Variants in C3orf52 observed in about 807,000 individuals in gnomAD.
The protein encoded by C3orf52 is TPA-induced transmembrane protein.
In C3orf52, 22 loss-of-function variants were observed where a neutral mutation model predicts 24.8. That is an observed-to-expected ratio of 0.89 (90% CI 0.63 to 1.27). C3orf52 has a LOEUF of 1.27. C3orf52 is among the 50% of genes most tolerant of loss of function. The probability of loss-of-function intolerance (pLI) is 0.00; values close to 1 mark genes in which losing one functional copy is unlikely to be tolerated. For missense variants in C3orf52, 265 were observed against 260.7 expected, an observed-to-expected ratio of 1.02 and a Z score of -0.11; for synonymous variants, 93 against 100.2, an observed-to-expected ratio of 0.93 and a Z score of 0.43.
At chr3:112,120,088 G>C (rs924284262), downstream of C3orf52, among the ~76,000 whole-genome samples, 1 of 152,224 alleles carries the variant, frequency 6.6e-6, no homozygotes, top group Non-Finnish European at 1.5e-5. Flanking sequence ...TTTCTATGAT[G>C]ATGATGACCT....
At chr3:112,123,382 C>T (rs867101861) in intron 4 of C3orf52, 7 of 1,560,898 alleles carry the variant, frequency 4.5e-6, no homozygotes, top group Non-Finnish European at 5.2e-6. Flanking sequence ...TGTGTCCCAT[C>T]CCTGCTTCAG....
intron 1 of C3orf52, among the ~76,000 whole-genome samples, chr3:112,089,481 A>G (rs1285166267): frequency 6.6e-6 from 1 of 150,458 alleles, no homozygotes; most frequent in African/African-American, 2.5e-5. Flanking sequence ...GTGAGCCCAG[A>G]TCACGCCACT....
chr3:112,125,175 T>C (rs529062697), intron 4 of C3orf52: 2 of 1,188,942 alleles, frequency 1.7e-6, no homozygotes, highest in Non-Finnish European at 2.5e-6. Context: ...ATTTAGGGTG[T>C]CTGTACTTCT....
intron 1 of C3orf52, 58 bp downstream of exon 1, chr3:112,086,603 G>C: frequency 5.3e-6 from 8 of 1,511,222 alleles, no homozygotes; most frequent in Non-Finnish European, 7.1e-6. Context: ...AGTAGGACCC[G>C]GGCCTGGCAC....
In C3orf52 at chr3:112,123,718, G is replaced by A. The variant is rs370535814; in HGVS notation, c.*46+4156G>A. 3.7e-5 allele frequency: 60 copies of A among 1,613,802 alleles called. 1 individual carries two copies. The highest frequency in any genetic ancestry group is 1.3e-4 in the East Asian group (6 of 44,888). Reference sequence around the variant, plus strand: ...CCTGATGGCCTTGTACAGAGAACCCGATGATTGATGAGGGTATAGCACAGC... The same window carrying A: ...CCTGATGGCCTTGTACAGAGAACCCAATGATTGATGAGGGTATAGCACAGC... On this transcript the variant is annotated intron_variant, in intron 4 of 4. Coordinates refer to the C3orf52 transcript ENST00000480282.
At chr3:112,086,972 G>T (rs2073835280) in intron 1 of C3orf52, among the ~76,000 whole-genome samples, 1 of 151,932 alleles carries the variant, frequency 6.6e-6, no homozygotes, top group African/African-American at 2.4e-5. Context: ...TCACTGCCTT[G>T]CCACTTCTCT....
chr3:112,090,978 C>G (rs2107774061), intron 1 of C3orf52, among the ~76,000 whole-genome samples: 1 of 152,240 alleles, frequency 6.6e-6, no homozygotes, highest in South Asian at 2.1e-4. Flanking sequence ...AGCAGTTCTG[C>G]AGGTTTTGAG....
intron 1 of C3orf52, among the ~76,000 whole-genome samples, chr3:112,091,865 G>C (rs1033528910): frequency 1.8e-4 from 27 of 152,122 alleles, no homozygotes; most frequent in African/African-American, 6.3e-4. Context: ...TTAGCCGGGC[G>C]TGGTGGCGGG....
At chr3:112,110,752 T>G (rs1210622880) in intron 4 of C3orf52, among the ~76,000 whole-genome samples, 1 of 152,220 alleles carries the variant, frequency 6.6e-6, no homozygotes, top group African/African-American at 2.4e-5. Flanking sequence ...TTGTATTATA[T>G]TGAGATTCCC....
Position 112,096,187 on chromosome 3 carries a change from G to A in C3orf52, c.268+2698G>A, listed in dbSNP as rs545967989. On this transcript the variant is annotated intron_variant, in intron 2 of 5. Coordinates refer to ENST00000264848, the MANE Select transcript of C3orf52 (RefSeq NM_024616.3). Reference sequence around the variant, plus strand: ...AGTGTTAACTTTTGTTCTTCAGTAGGCAGGTCTTTGCAAAACTACCCAGAA... The same window carrying A: ...AGTGTTAACTTTTGTTCTTCAGTAGACAGGTCTTTGCAAAACTACCCAGAA... Among the ~76,000 whole-genome samples, 20 of 152,282 alleles carry A rather than the reference G, an allele frequency of 1.3e-4. No homozygotes were observed. The East Asian group carries it at 3.9e-3, about 29-fold the overall frequency.
downstream of C3orf52, chr3:112,135,171 G>T (rs1444356420): frequency 6.5e-6 from 1 of 153,712 alleles, no homozygotes; most frequent in Non-Finnish European, 1.5e-5. Context: ...AGGAATCATG[G>T]ATTTTTGTAT....
At chr3:112,134,905 A>G (rs2074535159), downstream of C3orf52, 1 of 154,974 alleles carries the variant, frequency 6.5e-6, no homozygotes, top group Non-Finnish European at 1.5e-5. Context: ...ACCTTCTGTG[A>G]CATTAGAGAT....
chr3:112,115,844 A>G (rs2074129128), intron 5 of C3orf52, among the ~76,000 whole-genome samples: 1 of 152,204 alleles, frequency 6.6e-6, no homozygotes, highest in South Asian at 2.1e-4. Context: ...AAAAATAAAA[A>G]CTTAAAATAT....
chr3:112,125,186 A>G (rs773762537), intron 4 of C3orf52: 15 of 1,367,014 alleles, frequency 1.1e-5, no homozygotes, highest in Non-Finnish European at 1.6e-5. Context: ...CTGTACTTCT[A>G]TCATCATCTC....
chr3:112,096,119 GTC>G (rs1455686899), intron 2 of C3orf52, among the ~76,000 whole-genome samples: 1 of 152,146 alleles, frequency 6.6e-6, no homozygotes, highest in Non-Finnish European at 1.5e-5. Flanking sequence ...TTAATCTCCT[GTC>G]TCAAGGCTCT....
chr3:112,107,781 G>A (rs1427807080), intron 3 of C3orf52, among the ~76,000 whole-genome samples: 2 of 152,180 alleles, frequency 1.3e-5, no homozygotes, highest in Non-Finnish European at 2.9e-5. Flanking sequence ...CACAACAGTA[G>A]TGACAAGATT....
chr3:112,087,376 G>C (rs1456184105), intron 1 of C3orf52, among the ~76,000 whole-genome samples: 1 of 152,052 alleles, frequency 6.6e-6, no homozygotes, highest in African/African-American at 2.4e-5. Context: ...TCTCATCAAA[G>C]ACTTGTAAAA....
chr3:112,109,317 G>T (rs745546970), intron 3 of C3orf52, among the ~76,000 whole-genome samples: 1 of 152,218 alleles, frequency 6.6e-6, no homozygotes, highest in Non-Finnish European at 1.5e-5. Flanking sequence ...CAACTTCTGA[G>T]AGAAACTGAG....
chr3:112,089,034 C>T (rs940478119), intron 1 of C3orf52, among the ~76,000 whole-genome samples: 9 of 152,154 alleles, frequency 5.9e-5, no homozygotes, highest in South Asian at 2.1e-4. Flanking sequence ...TCCACTTTGC[C>T]TGCTGTCACT....
Sources: gnomAD v4.1 joint callset for allele counts (sites outside exome capture counted in the v4.1 genomes callset) on GRCh38, gnomAD v4.1.1 for gene constraint, MANE v1.5 for transcripts, NCBI Gene and HGNC (gene_info 2026-07-23, HGNC 2026-07-21) for gene names.